The following NR3C1 variants were observed in gnomAD, a reference collection of about 807,000 sequenced individuals.
NR3C1 encodes the protein glucocorticoid receptor.
A neutral mutation model predicts 74.0 loss-of-function variants in NR3C1; 14 were observed. The ratio of observed to expected loss-of-function variants is 0.19; its 90% CI spans 0.12 to 0.30. The LOEUF (loss-of-function observed/expected upper bound fraction) is 0.30, where lower values mean the gene tolerates loss of function less well. NR3C1 is among the 10% of genes least tolerant of loss of function. The probability of loss-of-function intolerance (pLI) is 1.00; values close to 1 mark genes in which losing one functional copy is unlikely to be tolerated. For synonymous variants in NR3C1, 308 were observed against 332.5 expected (o/e 0.93, Z 0.80); for missense variants, 695 against 909.8 (o/e 0.76, Z 3.04).
intron 2 of NR3C1, among the ~76,000 whole-genome samples, chr5:143,356,019 A>G (rs1432790503): frequency 6.6e-6 from 1 of 152,186 alleles, no homozygotes; most frequent in African/African-American, 2.4e-5. Context: ...TCTTTTCAAG[A>G]TAGATCAACA....
chr5:143,337,838 G>C (rs1827438780), intron 2 of NR3C1, among the ~76,000 whole-genome samples: 1 of 152,134 alleles, frequency 6.6e-6, no homozygotes, highest in Admixed American at 6.5e-5. Context: ...TATATAGGTA[G>C]TAAGAAAAAC....
intron 2 of NR3C1, among the ~76,000 whole-genome samples, chr5:143,365,378 G>A (rs1419689213): frequency 6.6e-6 from 1 of 152,136 alleles, no homozygotes; most frequent in Non-Finnish European, 1.5e-5. Flanking sequence ...GAAAGCTGAA[G>A]TGGCTATACT....
intron 2 of NR3C1, among the ~76,000 whole-genome samples, chr5:143,385,539 T>C (rs555062237): frequency 6.6e-6 from 1 of 152,240 alleles, no homozygotes; most frequent in Non-Finnish European, 1.5e-5. Flanking sequence ...ACATATTGAA[T>C]GCTTTGCTAC....
rs145020010 is a variant in NR3C1, at chr5:143,400,548, T to C, written c.292A>G (p.Met98Val). 10 of 1,614,146 alleles carry C rather than the reference T, an allele frequency of 6.2e-6. No individual in the cohort carries two copies. The African/African-American group carries it at 8.0e-5, about 13-fold the overall frequency. Reference sequence around the variant, plus strand: ...TGTGGGAATCCCAGGTCATTTCCCATCACTTTTGTTTCTGTCTCTCCCATA... The same window carrying C: ...TGTGGGAATCCCAGGTCATTTCCCACCACTTTTGTTTCTGTCTCTCCCATA... The part of the protein sequence containing the change: ...LYMGETETKV[M>V]GNDLGFPQQG... Residue 98 changes from methionine (M) to valine (V), a missense_variant, in exon 2 of 9, where the codon ATG becomes GTG. Physicochemically the swap from Met to Val is conservative, Grantham distance 21. Around this residue, in one of 4 missense-constraint regions of NR3C1, gnomAD observed 497 missense variants for 489.5 expected, o/e 1.02. Coordinates refer to ENST00000394464, the MANE Select transcript of NR3C1 (RefSeq NM_000176.3).
At chr5:143,402,740 C>A (rs1001694561) in intron 1 of NR3C1, 19 of 985,390 alleles carry the variant, frequency 1.9e-5, no homozygotes, top group Middle Eastern at 5.2e-4. Flanking sequence ...CAGGCGCCGC[C>A]GGGGCCTCCC....
At chr5:143,376,733 TGGGGGTAAGAGCAG>T (rs969647684) in intron 2 of NR3C1, among the ~76,000 whole-genome samples, 15 of 152,290 alleles carry the variant, frequency 9.8e-5, no homozygotes, top group African/African-American at 3.6e-4. Context: ...AACTCTTAAA[TGGGGGTAAGAGCAG>T]GGAGGGAAGA....
rs72542743 is a variant in NR3C1, at chr5:143,399,966, T to C, written c.874A>G (p.Ile292Val). The C allele has an allele frequency of 1.2e-6, 2 of 1,614,208 alleles. No individual in the cohort carries two copies. The highest frequency in any genetic ancestry group is 2.2e-5 in the East Asian group (1 of 44,886). Residue 292 changes from isoleucine to valine, a missense_variant, in exon 2 of 9, where the codon ATT becomes GTT. Ile to Val is a conservative substitution (Grantham distance 29, BLOSUM62 3). Coordinates refer to ENST00000394464, the MANE Select transcript of NR3C1 (RefSeq NM_000176.3). ...DFIELCTPGVIKQEKLGTVYC... is the reference protein window; with the variant it reads ...DFIELCTPGVVKQEKLGTVYC... ...ACTGTGCCCAGTTTCTCTTGCTTAATTACCCCAGGGGTGCAGAGTTCGATG... is the reference window on the plus strand; with the variant it reads ...ACTGTGCCCAGTTTCTCTTGCTTAACTACCCCAGGGGTGCAGAGTTCGATG...
chr5:143,332,904 C>G, intron 2 of NR3C1: 1 of 1,504,060 alleles, frequency 6.6e-7, no homozygotes, highest in Non-Finnish European at 9.1e-7. Flanking sequence ...TATAGTGGAA[C>G]CTTATGTGAC....
intron 2 of NR3C1, among the ~76,000 whole-genome samples, chr5:143,364,621 C>T (rs530504884): frequency 6.6e-6 from 1 of 152,234 alleles, no homozygotes. Flanking sequence ...ACAATAACAG[C>T]ACAGAGTGGA....
chr5:143,384,215 T>C (rs1162122321), intron 2 of NR3C1, among the ~76,000 whole-genome samples: 2 of 152,172 alleles, frequency 1.3e-5, no homozygotes, highest in East Asian at 1.9e-4. Flanking sequence ...AAGTCCACCC[T>C]TGTGATTCAG....
intron 3 of NR3C1, 82 bp downstream of exon 3, chr5:143,313,920 G>T: frequency 6.9e-7 from 1 of 1,456,236 alleles, no homozygotes; most frequent in Non-Finnish European, 9.6e-7. Context: ...CATGGGCTTT[G>T]CATATAATGG....
At chr5:143,399,280 G>C (rs1300051556) in intron 2 of NR3C1, among the ~76,000 whole-genome samples, 2 of 152,114 alleles carry the variant, frequency 1.3e-5, no homozygotes, top group African/African-American at 4.8e-5. Flanking sequence ...TGTAATATAA[G>C]AACATATTCT....
chr5:143,353,974 T>G (rs1830663009), intron 2 of NR3C1, among the ~76,000 whole-genome samples: 2 of 152,258 alleles, frequency 1.3e-5, no homozygotes, highest in Admixed American at 6.5e-5. Flanking sequence ...TATTTAGTAA[T>G]CTTAGCTAGA....
intron 1 of NR3C1, among the ~76,000 whole-genome samples, chr5:143,426,110 G>A (rs545379538): frequency 1.4e-4 from 21 of 152,288 alleles, no homozygotes; most frequent in African/African-American, 4.6e-4. Flanking sequence ...TGAGTGGAAG[G>A]TGCCAGACAC....
intron 6 of NR3C1, among the ~76,000 whole-genome samples, chr5:143,296,211 G>C (rs1817150586): frequency 6.6e-6 from 1 of 151,318 alleles, no homozygotes; most frequent in African/African-American, 2.4e-5. Context: ...AAAGTTTCCT[G>C]ACTTGTGAAA....
intron 2 of NR3C1, among the ~76,000 whole-genome samples, chr5:143,369,132 C>A (rs527460356): frequency 6.6e-6 from 1 of 152,320 alleles, no homozygotes; most frequent in South Asian, 2.1e-4. Flanking sequence ...TATGTTCCAA[C>A]ATGAGTTTTG....
In NR3C1 at chr5:143,410,891, A is replaced by G. The variant is rs1289287411; in HGVS notation, c.-13-10039T>C. Among the ~76,000 whole-genome samples, 2 of 152,216 alleles carry G rather than the reference A, an allele frequency of 1.3e-5. 1 individual carries two copies. Among genetic ancestry groups the G allele is most frequent in the Admixed American group, 1.3e-4 (2 of 15,280 alleles). On this transcript the variant is annotated intron_variant, in intron 1 of 8. Transcript: ENST00000343796. ...GATAATTCAGTAGTGCACCGGAAAC[A>G]ATTGTACCAGCTTGCAAGCACTGAC...
intron 2 of NR3C1, among the ~76,000 whole-genome samples, chr5:143,397,731 C>CT (rs774332023): frequency 9.9e-5 from 15 of 151,858 alleles, no homozygotes; most frequent in Admixed American, 2.0e-4. Context: ...GCCTTGCCTA[C>CT]TACCTCCATA....
At chr5:143,294,244 T>C (rs977986915) in intron 7 of NR3C1, 2 of 984,842 alleles carry the variant, frequency 2.0e-6, no homozygotes, top group Non-Finnish European at 2.4e-6. Context: ...CCACAGTTAC[T>C]AATGGAATTA....
Sources: gnomAD v4.1 joint callset for allele counts (sites outside exome capture counted in the v4.1 genomes callset) on GRCh38, gnomAD v4.1.1 for gene constraint, gnomAD v4.1.1 regional missense constraint, MANE v1.5 for transcripts, NCBI Gene and HGNC (gene_info 2026-07-23, HGNC 2026-07-21) for gene names.